Variants in CWF19L2 observed in about 807,000 individuals in gnomAD.
CWF19L2 encodes the protein CWF19-like protein 2.
Under a neutral mutation model 111.7 loss-of-function variants are expected in CWF19L2, and 98 were observed. The ratio of observed to expected loss-of-function variants is 0.88; its 90% CI spans 0.75 to 1.04. The LOEUF (loss-of-function observed/expected upper bound fraction) is 1.04. Among genes scored for constraint, CWF19L2 ranks in the 50% least tolerant of loss-of-function variants. The probability of loss-of-function intolerance (pLI) is 0.00; values close to 1 mark genes in which losing one functional copy is unlikely to be tolerated. For missense variants in CWF19L2, 1,101 were observed against 1,051.4 expected (o/e 1.05, Z -0.65); for synonymous variants, 351 against 342.9 (o/e 1.02, Z -0.26).
intron 14 of CWF19L2, chr11:107,345,593 T>C: frequency 1.6e-5 from 6 of 369,152 alleles, no homozygotes; most frequent in South Asian, 1.3e-4. Context: ...TATTATAAAA[T>C]ATATAAACCT....
chr11:107,453,607 C>G (rs1488090136), intron 3 of CWF19L2, among the ~76,000 whole-genome samples: 3 of 151,714 alleles, frequency 2.0e-5, no homozygotes, highest in Non-Finnish European at 4.4e-5. Flanking sequence ...TCAGCACATT[C>G]CCAGCTGTGG....
chr11:107,447,713 A>C (rs1861720382), intron 3 of CWF19L2, among the ~76,000 whole-genome samples: 1 of 152,224 alleles, frequency 6.6e-6, no homozygotes, highest in Non-Finnish European at 1.5e-5. Context: ...AGAAGTCAAC[A>C]AAATCCAGCA....
At chr11:107,453,310 G>A (rs1172574529) in intron 3 of CWF19L2, among the ~76,000 whole-genome samples, 2 of 152,114 alleles carry the variant, frequency 1.3e-5, no homozygotes, top group Non-Finnish European at 2.9e-5. Context: ...CAGAGCCAAT[G>A]GACAGGTGGT....
chr11:107,374,301 A>T (rs377332461), intron 12 of CWF19L2, among the ~76,000 whole-genome samples: 3 of 129,784 alleles, frequency 2.3e-5, no homozygotes, highest in African/African-American at 6.6e-5. Flanking sequence ...GAAGAGCAAC[A>T]CCAAGACACA....
At chr11:107,451,619 T>G (rs564325213) in intron 3 of CWF19L2, among the ~76,000 whole-genome samples, 49 of 152,216 alleles carry the variant, frequency 3.2e-4, no homozygotes, top group Middle Eastern at 6.8e-3. Context: ...TCACTATGGA[T>G]TCCGTAAACA....
At chr11:107,395,230 CA>C (rs1355620077) in intron 10 of CWF19L2, among the ~76,000 whole-genome samples, 5 of 152,168 alleles carry the variant, frequency 3.3e-5, no homozygotes, top group African/African-American at 1.2e-4. Context: ...AATTTCTCCA[CA>C]CAAGCTCTCT....
chr11:107,388,672 G>A (rs1019328192), intron 12 of CWF19L2, among the ~76,000 whole-genome samples: 3 of 152,052 alleles, frequency 2.0e-5, no homozygotes, highest in Admixed American at 6.6e-5. Context: ...GAGCCACCAC[G>A]CCCGGCACTA....
chr11:107,340,919 G>A (rs536866458), intron 14 of CWF19L2, among the ~76,000 whole-genome samples: 91 of 152,100 alleles, frequency 6.0e-4, no homozygotes, highest in African/African-American at 2.1e-3. Context: ...TTGTACCTTC[G>A]TCCATCCTCA....
chr11:107,443,629 G>C (rs189947025), intron 3 of CWF19L2, among the ~76,000 whole-genome samples: 467 of 148,040 alleles, frequency 3.2e-3, no homozygotes, highest in African/African-American at 0.01. Context: ...GCCAAGTAGA[G>C]ACCTCACTTC....
intron 10 of CWF19L2, among the ~76,000 whole-genome samples, chr11:107,415,458 C>G (rs1861212335): frequency 6.6e-6 from 1 of 152,126 alleles, no homozygotes; most frequent in Admixed American, 6.5e-5. Context: ...CCTCCCTACC[C>G]AAATGAAAGT....
chr11:107,374,941 G>A (rs1460717099), intron 12 of CWF19L2, among the ~76,000 whole-genome samples: 2 of 145,400 alleles, frequency 1.4e-5, no homozygotes, highest in African/African-American at 2.5e-5. Context: ...CCAAGCAAAT[G>A]GAAAACAAAA....
intron 7 of CWF19L2, among the ~76,000 whole-genome samples, chr11:107,431,917 C>T (rs1480973342): frequency 6.6e-6 from 1 of 151,978 alleles, no homozygotes; most frequent in Non-Finnish European, 1.5e-5. Flanking sequence ...AGTTTGATGC[C>T]TATTTCATAC....
At chr11:107,415,593 A>G (rs1358361976) in intron 10 of CWF19L2, among the ~76,000 whole-genome samples, 1 of 152,246 alleles carries the variant, frequency 6.6e-6, no homozygotes, top group Non-Finnish European at 1.5e-5. Flanking sequence ...TGAAGGAGAC[A>G]GTTAAGAAGC....
intron 1 of CWF19L2, 109 bp downstream of exon 1, chr11:107,457,603 G>T: frequency 1.3e-6 from 1 of 750,082 alleles, no homozygotes; most frequent in Non-Finnish European, 2.2e-6. Context: ...CCCAAATTAA[G>T]GTGAGATTCA....
intron 12 of CWF19L2, among the ~76,000 whole-genome samples, chr11:107,374,057 G>A (rs1860557915): frequency 7.3e-6 from 1 of 136,666 alleles, no homozygotes; most frequent in South Asian, 2.5e-4. Flanking sequence ...AAACGAGAAG[G>A]GAAGTTTAGA....
intron 7 of CWF19L2, among the ~76,000 whole-genome samples, chr11:107,431,889 T>C (rs1861470226): frequency 6.6e-6 from 1 of 152,106 alleles, no homozygotes; most frequent in Non-Finnish European, 1.5e-5. Context: ...AGCAAACAAC[T>C]ATATAAGACT....
At chr11:107,455,851 C>T (rs1402882161) in intron 1 of CWF19L2, 75 bp from the exon 2 acceptor site, 1 of 805,814 alleles carries the variant, frequency 1.2e-6, no homozygotes, top group Non-Finnish European at 2.0e-6. Flanking sequence ...AAAACAAAAA[C>T]CTCTGTCATT....
chr11:107,343,472 A>G (rs1591152271), intron 14 of CWF19L2, among the ~76,000 whole-genome samples: 1 of 152,026 alleles, frequency 6.6e-6, no homozygotes, highest in Non-Finnish European at 1.5e-5. Context: ...AACCTTTTAT[A>G]TTATTCTACT....
chr11:107,340,811 A>G (rs1859995286), intron 14 of CWF19L2, among the ~76,000 whole-genome samples: 1 of 152,218 alleles, frequency 6.6e-6, no homozygotes, highest in African/African-American at 2.4e-5. Flanking sequence ...CTCCTAATCC[A>G]TAAACATGAT....
Sources: gnomAD v4.1 joint callset for allele counts (sites outside exome capture counted in the v4.1 genomes callset) on GRCh38, gnomAD v4.1.1 for gene constraint, MANE v1.5 for transcripts, NCBI Gene and HGNC (gene_info 2026-07-23, HGNC 2026-07-21) for gene names.